CLEC16A: variants seen among roughly 807,000 people sequenced by gnomAD.
The protein encoded by CLEC16A is protein CLEC16A.
CLEC16A carries 51 observed loss-of-function variants against 109.5 expected under a neutral mutation model. The observed-to-expected ratio is 0.47, with a 90% CI of 0.37 to 0.59. CLEC16A has a LOEUF of 0.59. Among genes scored for constraint, CLEC16A ranks in the 20% least tolerant of loss-of-function variants. The pLI is 0.00. For synonymous variants in CLEC16A, 673 were observed against 564.2 expected, an observed-to-expected ratio of 1.19 and a Z score of -2.73; for missense variants, 1,339 against 1,394.0, an observed-to-expected ratio of 0.96 and a Z score of 0.63.
At chr16:11,089,628 C>T (rs1012420685) in intron 19 of CLEC16A, among the ~76,000 whole-genome samples, 2 of 152,184 alleles carry the variant, frequency 1.3e-5, no homozygotes, top group African/African-American at 2.4e-5. Context: ...GCCAGCATGA[C>T]GAGCAGAAGC....
At chr16:11,014,744 A>T (rs1307997427) in intron 11 of CLEC16A, among the ~76,000 whole-genome samples, 2 of 152,188 alleles carry the variant, frequency 1.3e-5, no homozygotes, top group African/African-American at 4.8e-5. Context: ...GTATCCACAT[A>T]GCCTACTGAG....
At chr16:11,047,227 A>G (rs1348855108) in intron 16 of CLEC16A, 65 bp from the exon 17 acceptor site, 20 of 1,390,814 alleles carry the variant, frequency 1.4e-5, no homozygotes, top group African/African-American at 2.9e-5. Context: ...AGAGTTTATA[A>G]TACTCTGTTG....
intron 19 of CLEC16A, among the ~76,000 whole-genome samples, chr16:11,076,071 G>C (rs958185670): frequency 2.4e-5 from 2 of 82,398 alleles, no homozygotes; most frequent in Non-Finnish European, 5.2e-5. Context: ...CCCTGCAGCT[G>C]GTGGGGATTC....
chr16:10,945,841 C>T (rs1044151584), intron 1 of CLEC16A, among the ~76,000 whole-genome samples: 1 of 152,152 alleles, frequency 6.6e-6, no homozygotes, highest in Non-Finnish European at 1.5e-5. Context: ...CCACTCTCTG[C>T]GATTATTCTT....
chr16:11,110,355 C>T (rs2051501064), intron 19 of CLEC16A, among the ~76,000 whole-genome samples: 2 of 151,982 alleles, frequency 1.3e-5, no homozygotes, highest in Non-Finnish European at 2.9e-5. Context: ...TGGGATGGGG[C>T]TGGGGATTAG....
At chr16:11,160,091 G>A (rs1216641417) in intron 22 of CLEC16A, among the ~76,000 whole-genome samples, 1 of 152,086 alleles carries the variant, frequency 6.6e-6, no homozygotes, top group Non-Finnish European at 1.5e-5. Flanking sequence ...ATAATCTCAG[G>A]TAGTTTTCAC....
At chr16:11,120,355 T>C (rs1052228192) in intron 19 of CLEC16A, among the ~76,000 whole-genome samples, 39 of 152,258 alleles carry the variant, frequency 2.6e-4, no homozygotes, top group Non-Finnish European at 4.6e-4. Context: ...ATATGCTTTA[T>C]ATCAGTCCTA....
chr16:11,046,593 G>C (rs1241339378), intron 16 of CLEC16A, among the ~76,000 whole-genome samples: 1 of 152,166 alleles, frequency 6.6e-6, no homozygotes, highest in Non-Finnish European at 1.5e-5. Context: ...CTGAACGAGT[G>C]ACAGGTTCTG....
intron 20 of CLEC16A, among the ~76,000 whole-genome samples, chr16:11,122,984 A>T (rs1251813422): frequency 7.2e-6 from 1 of 139,678 alleles, no homozygotes; most frequent in Non-Finnish European, 1.5e-5. Flanking sequence ...GCTCACTGCA[A>T]CCTCTGCCTT....
At chr16:11,036,420 C>A (rs1195113685) in intron 13 of CLEC16A, among the ~76,000 whole-genome samples, 1 of 152,232 alleles carries the variant, frequency 6.6e-6, no homozygotes, top group Non-Finnish European at 1.5e-5. Flanking sequence ...CCTTTAGGAT[C>A]CAACCTGAGC....
chr16:10,987,147 C>T (rs1165362199), intron 10 of CLEC16A, among the ~76,000 whole-genome samples: 2 of 151,974 alleles, frequency 1.3e-5, no homozygotes, highest in Non-Finnish European at 2.9e-5. Context: ...TGAGCCACTG[C>T]ACCCAGCTTT....
At chr16:11,039,582 C>T (rs1443253297) in intron 13 of CLEC16A, among the ~76,000 whole-genome samples, 172 bp from the exon 14 acceptor site, 4 of 151,706 alleles carry the variant, frequency 2.6e-5, no homozygotes, top group Non-Finnish European at 5.9e-5. Flanking sequence ...GGAAACATGA[C>T]AAAATCCTGT....
At chr16:11,139,627 G>A (rs912760551) in intron 22 of CLEC16A, among the ~76,000 whole-genome samples, 3 of 152,208 alleles carry the variant, frequency 2.0e-5, no homozygotes, top group African/African-American at 7.2e-5. Flanking sequence ...TTGTTTTACT[G>A]TCTCTGTCAC....
rs944642448 is a variant in CLEC16A, at chr16:11,180,695, G to A, written c.*2005G>A. The A allele has an allele frequency of 6.6e-6, 1 of 152,286 alleles. No homozygotes were observed. Among genetic ancestry groups the A allele is most frequent in the African/African-American group, 2.4e-5 (1 of 41,462 alleles). 9.4% of individuals were successfully genotyped at this position (152,286 alleles called of 1,614,324 possible). A position where few individuals can be genotyped will look rare whatever the true frequency, so the allele number is the denominator to read the frequency against. The stretch of plus-strand genomic sequence containing the variant: ...TCTGTCTGTGGGGCAGCAGAAACTA[G>A]AGAAGGCAAGTGGCTGCCCCACCCC... On this transcript the variant is annotated 3_prime_UTR_variant, in exon 24 of 24. Transcript: ENST00000409790.
At chr16:10,987,011 C>A (rs2043709635) in intron 10 of CLEC16A, among the ~76,000 whole-genome samples, 1 of 151,894 alleles carries the variant, frequency 6.6e-6, no homozygotes, top group African/African-American at 2.4e-5. Flanking sequence ...CACCACCACA[C>A]CCAGCTAATT....
At position 10,969,119 on chromosome 16, in the gene CLEC16A, C is replaced by A. The variant is rs780086315; in HGVS notation, c.344-42C>A. 50 of 1,554,992 alleles carry A rather than the reference C, an allele frequency of 3.2e-5. No homozygotes were observed. The Admixed American group carries it at 8.5e-4, about 26-fold the overall frequency. Reference sequence around the variant, plus strand: ...CTGCTTGTTACCTGGCTTATCTTTCCTCCAGCATGAGTTAACCTGTTTTGT... The same window carrying A: ...CTGCTTGTTACCTGGCTTATCTTTCATCCAGCATGAGTTAACCTGTTTTGT... On this transcript the variant is annotated intron_variant, in intron 3 of 23. Transcript: ENST00000409790.
At chr16:11,164,850 T>A (rs1281841529) in intron 22 of CLEC16A, among the ~76,000 whole-genome samples, 6 of 152,318 alleles carry the variant, frequency 3.9e-5, no homozygotes. Context: ...GGTCAGGGCC[T>A]AGAGGGCCTT....
At chr16:11,109,971 C>A (rs145414531) in intron 19 of CLEC16A, among the ~76,000 whole-genome samples, 1 of 152,308 alleles carries the variant, frequency 6.6e-6, no homozygotes, top group African/African-American at 2.4e-5. Flanking sequence ...GCAGCTGGAG[C>A]CACCAATGCT....
At chr16:11,023,380 C>G (rs1037563578) in intron 12 of CLEC16A, among the ~76,000 whole-genome samples, 3 of 152,124 alleles carry the variant, frequency 2.0e-5, no homozygotes, top group African/African-American at 7.2e-5. Flanking sequence ...AGCTGATTTA[C>G]AAGAAAATGT....
Sources: gnomAD v4.1 joint callset for allele counts (sites outside exome capture counted in the v4.1 genomes callset) on GRCh38, gnomAD v4.1.1 for gene constraint, MANE v1.5 for transcripts, NCBI Gene and HGNC (gene_info 2026-07-23, HGNC 2026-07-21) for gene names.